The following ABCA2 variants were observed in gnomAD, a reference collection of about 807,000 sequenced individuals.
ABCA2 encodes ATP binding cassette subfamily A member 2.
ABCA2 carries 84 observed loss-of-function variants against 262.8 expected under a neutral mutation model. That is an observed-to-expected ratio of 0.32 (90% confidence interval 0.27 to 0.38). ABCA2 has a LOEUF of 0.38. Among genes scored for constraint, ABCA2 ranks in the 10% least tolerant of loss-of-function variants. The pLI is 1.00. For missense variants in ABCA2, 2,662 were observed against 3,405.9 expected, an observed-to-expected ratio of 0.78 and a Z score of 5.44; for synonymous variants, 1,696 against 1,502.9, an observed-to-expected ratio of 1.13 and a Z score of -2.97.
Position 137,019,500 on chromosome 9 carries a change from G to A in ABCA2, c.1426-194C>T. Reference sequence around the variant, plus strand: ...TGCAGTGGTGCAGTCCCAGCTCACTGCAGCCTCCACCTCCCAGGCTCAAGG... The same window carrying A: ...TGCAGTGGTGCAGTCCCAGCTCACTACAGCCTCCACCTCCCAGGCTCAAGG... On this transcript the variant is annotated intron_variant, in intron 10 of 48. Transcript: ENST00000341511. The surrounding 1 kb of genome is among the most constrained non-coding windows in gnomAD (Gnocchi z 4.4). 3.4e-6 allele frequency: 2 copies of A among 594,874 alleles called. No individual in the cohort carries two copies. The highest frequency in any genetic ancestry group is 5.6e-6 in the Non-Finnish European group (2 of 355,378). 36.8% of individuals were successfully genotyped at this position (594,874 alleles called of 1,614,324 possible). A position where few individuals can be genotyped will look rare whatever the true frequency, so the allele number is the denominator to read the frequency against.
Position 137,007,554 on chromosome 9 carries a change from G to GT in ABCA2, c.*374dup. On this transcript the variant is annotated 3_prime_UTR_variant, in exon 49 of 49. Transcript: ENST00000341511. ...CCCGCTCTCGGCATCAGCCTTCATC[G>GT]TAAGAGAGAAAAGCTGGTTCCGAGG... 2 of 335,404 alleles carry GT rather than the reference G, an allele frequency of 6.0e-6. No individual in the cohort carries two copies. The highest frequency in any genetic ancestry group is 1.1e-5 in the Non-Finnish European group (2 of 177,042). The allele number at this position is 335,404 out of a possible 1,614,324, so 20.8% of individuals were successfully genotyped here.
In ABCA2 at chr9:137,012,245, CCCTG is replaced by C; in HGVS notation, c.5299+16_5299+19del. On this transcript the variant is annotated intron_variant, in intron 33 of 48. Coordinates refer to ENST00000341511, the MANE Select transcript of ABCA2 (RefSeq NM_001606.5). ...CCCAGCTCCTCCCCGCCCCGCCCCG[CCCTG>C]CCTATGTCAGCTCACCGTAAGCCGC... The C allele has an allele frequency of 1.9e-6, 3 of 1,599,518 alleles. No individual in the cohort carries two copies. Among genetic ancestry groups the C allele is most frequent in the Non-Finnish European group, 2.6e-6 (3 of 1,173,512 alleles).
rs200425176 is a variant in ABCA2, at chr9:137,014,683, C to T, written c.4003+7G>A. 8.1e-4 allele frequency: 1,300 copies of T among 1,604,878 alleles called. 8 individuals are homozygous for T. In the African/African-American group the frequency reaches 0.015, roughly 19 times the overall value. On this transcript the variant is annotated splice_region_variant and intron_variant, in intron 26 of 48. Coordinates refer to ENST00000341511, the MANE Select transcript of ABCA2 (RefSeq NM_001606.5). ...GGTGGGCTGAGCAAGTGGTCCAGGCCCCTCACCGGCCTCACTGTTCTCCAG... is the reference window on the plus strand; with the variant it reads ...GGTGGGCTGAGCAAGTGGTCCAGGCTCCTCACCGGCCTCACTGTTCTCCAG...
At position 137,009,894 on chromosome 9, in the gene ABCA2, A is replaced by G; in HGVS notation, c.6505T>C (p.Trp2169Arg). 6.2e-7 allele frequency: 1 copy of G among 1,608,076 alleles called. No individual in the cohort carries two copies. Among genetic ancestry groups the G allele is most frequent in the Non-Finnish European group, 8.5e-7 (1 of 1,176,732 alleles). The change falls in exon 43 of 49, where the codon TGG becomes CGG. Residue 2169 changes from tryptophan (W) to arginine (R), a missense_variant. This residue lies in a region of ABCA2 where 602 missense variants were observed against 897.4 expected (regional missense o/e 0.67). Transcript: ENST00000341511. ...GTCAGCTCCAGCTTCTCCAGAGCCC[A>G]CTTCACCACCTGGCCAGGGAACGCA... The part of the protein sequence containing the change: ...SWKDEARVVK[W>R]ALEKLELTKY...
At chr9:137,028,263 G>T, upstream of ABCA2, 3 of 978,260 alleles carry the variant, frequency 3.1e-6, no homozygotes, top group Non-Finnish European at 3.6e-6. The surrounding 1 kb of genome is among the most constrained non-coding windows in gnomAD (Gnocchi z 6.9). Context: ...GGGCGTCCGG[G>T]ACCCGATCCG....
At chr9:137,027,983 G>T (rs1329163654) in intron 1 of ABCA2, 92 bp downstream of exon 1, 1 of 689,864 alleles carries the variant, frequency 1.4e-6, no homozygotes, top group Middle Eastern at 7.4e-4. Flanking sequence ...GTCTGCGCGC[G>T]CCCGGCCGTC....
intron 20 of ABCA2, 40 bp from the exon 21 acceptor site, chr9:137,016,511 C>T: frequency 6.2e-7 from 1 of 1,612,398 alleles, no homozygotes; most frequent in Non-Finnish European, 8.5e-7. Flanking sequence ...GGGGCGGCGC[C>T]AAGGCCACCC....
Position 137,013,058 on chromosome 9 carries a change from G to A in ABCA2, c.4811C>T (p.Ser1604Phe). 1 of 1,554,156 alleles carries A rather than the reference G, an allele frequency of 6.4e-7. No individual in the cohort carries two copies. The change falls in exon 30 of 49, where the codon TCC becomes TTC. Residue 1604 changes from serine to phenylalanine, a missense_variant. Coordinates refer to ENST00000341511, the MANE Select transcript of ABCA2 (RefSeq NM_001606.5). ...PSPAPSDSPA[S>F]PDEDLQAWNV... Reference sequence around the variant, plus strand: ...CCAGGCCTGCAGGTCCTCATCCGGGGACGCTGGCGAGTCAGATGGGGCGGG... The same window carrying A: ...CCAGGCCTGCAGGTCCTCATCCGGGAACGCTGGCGAGTCAGATGGGGCGGG...
chr9:137,011,605 A>G lies in ABCA2; in HGVS notation c.5651+29T>C. On this transcript the variant is annotated intron_variant, in intron 36 of 48. Transcript: ENST00000341511. This position sits in a 1 kb window ranked among gnomAD's most constrained non-coding sequence, Gnocchi z 8.8. ...CACCAGGCAGCCCCGGTCCCACCTGAGGCCGCTCCCCCCTCCGCTTCCGCT... is the reference window on the plus strand; with the variant it reads ...CACCAGGCAGCCCCGGTCCCACCTGGGGCCGCTCCCCCCTCCGCTTCCGCT... 6.4e-7 allele frequency: 1 copy of G among 1,554,540 alleles called. No individual in the cohort carries two copies. Among genetic ancestry groups the G allele is most frequent in the Non-Finnish European group, 8.7e-7 (1 of 1,149,460 alleles).
In ABCA2 at chr9:137,017,961, C is replaced by T; in HGVS notation, c.2096+12G>A. 6.2e-7 allele frequency: 1 copy of T among 1,612,530 alleles called. No individual in the cohort carries two copies. The highest frequency in any genetic ancestry group is 8.5e-7 in the Non-Finnish European group (1 of 1,179,860). On this transcript the variant is annotated intron_variant, in intron 15 of 48. Coordinates refer to ENST00000341511, the MANE Select transcript of ABCA2 (RefSeq NM_001606.5). ...CCAGCCCCAGCCCCAGCCCCGGGCG[C>T]CCAGCACTCACTCATCGCGTGTGTA...
intron 9 of ABCA2, 49 bp from the exon 10 acceptor site, chr9:137,020,544 G>A (rs762943679): frequency 1.2e-5 from 18 of 1,547,944 alleles, no homozygotes; most frequent in East Asian, 6.8e-5. Flanking sequence ...GGGCAGGGCC[G>A]CGAGAGTGGG....
intron 13 of ABCA2, 24 bp downstream of exon 13, chr9:137,018,695 G>T: frequency 6.3e-7 from 1 of 1,584,482 alleles, no homozygotes; most frequent in Non-Finnish European, 8.6e-7. Flanking sequence ...GGGGGGCTGG[G>T]GCGGGGCGGG....
rs922168229 is a variant in ABCA2 at position 137,021,174 on chromosome 9, G to C, written c.898-113C>G. The C allele has an allele frequency of 7.1e-6, 10 of 1,403,274 alleles. No homozygotes were observed. In the South Asian group the frequency reaches 7.4e-5, roughly 10 times the overall value. The allele number at this position is 1,403,274 out of a possible 1,614,324, so 86.9% of individuals were successfully genotyped here. On this transcript the variant is annotated intron_variant, in intron 8 of 48. Transcript: ENST00000341511. This position sits in a 1 kb window ranked among gnomAD's most constrained non-coding sequence, Gnocchi z 6.0. ...AGGGAGACACAAGCTAGGGGTGCTG[G>C]GAGGGAGTCTGCAGCCTGGGTAACG...
At chr9:137,023,271 A>G (rs1020989745) in intron 3 of ABCA2, 1 of 634,478 alleles carries the variant, frequency 1.6e-6, no homozygotes, top group South Asian at 1.8e-5. Flanking sequence ...GAGGTCAAAG[A>G]GCCACTCACC....
At chr9:137,023,214 C>G in intron 3 of ABCA2, 162 bp from the exon 4 acceptor site, 1 of 662,170 alleles carries the variant, frequency 1.5e-6, no homozygotes, top group Non-Finnish European at 2.6e-6. Context: ...CTGGCCCCAG[C>G]TGGGCTACAG....
rs986089429 is a variant in ABCA2, at chr9:137,022,469, A to G, written c.449T>C (p.Phe150Ser). 1.2e-6 allele frequency: 2 copies of G among 1,611,626 alleles called. No homozygotes were observed. Among genetic ancestry groups the G allele is most frequent in the Admixed American group, 3.3e-5 (2 of 59,866 alleles). ...GTTTCTGGCCACCGAGTCCAGAGAGAAGGAAGACACTGGACAGGCAGGAAG... is the reference window on the plus strand; with the variant it reads ...GTTTCTGGCCACCGAGTCCAGAGAGGAGGAAGACACTGGACAGGCAGGAAG... The part of the protein sequence containing the change: ...SHLDRSTVSS[F>S]SLDSVARNPQ... The change falls in exon 6 of 49, where the codon TTC (phenylalanine) becomes TCC (serine). Residue 150 changes from phenylalanine to serine, a missense_variant. Phe to Ser is a radical substitution (Grantham distance 155). Transcript: ENST00000341511.
Position 137,016,279 on chromosome 9 carries a change from T to A in ABCA2, c.3104+12A>T, listed in dbSNP as rs1306389364. 1 of 1,612,182 alleles carries A rather than the reference T, an allele frequency of 6.2e-7. No homozygotes were observed. The highest frequency in any genetic ancestry group is 8.5e-7 in the Non-Finnish European group (1 of 1,179,766). On this transcript the variant is annotated intron_variant, in intron 21 of 48. Coordinates refer to ENST00000341511, the MANE Select transcript of ABCA2 (RefSeq NM_001606.5). ...CAGCAGATGCCCACCGCCCTGCCCC[T>A]CCGACACTCACATGGTGGTGGTCTT...
rs1410059404 is a variant in ABCA2, at chr9:137,010,004, G to A, written c.6474C>T (p.Ile2158=). ...TCACCCGGGCCTCGTCCTTCCAGGA[G>A]ATCCCACGCAGCCGCGTGTACAGCT... The part of the protein sequence containing the change: ...HLQLYTRLRG[I]SWKDEARVVK... The change falls in exon 42 of 49, where the codon ATC becomes ATT. Residue 2158 remains isoleucine (I), a synonymous_variant. Coordinates refer to ENST00000341511, the MANE Select transcript of ABCA2 (RefSeq NM_001606.5). The A allele has an allele frequency of 1.3e-6, 2 of 1,598,282 alleles. No homozygotes were observed. Among genetic ancestry groups the A allele is most frequent in the South Asian group, 2.2e-5 (2 of 89,270 alleles).
intron 1 of ABCA2, among the ~76,000 whole-genome samples, chr9:137,025,710 G>A (rs1342015645): frequency 2.6e-5 from 4 of 152,192 alleles, no homozygotes; most frequent in African/African-American, 7.2e-5. Flanking sequence ...AGAGGCAGGG[G>A]TCACAGCACG....
Sources: allele counts gnomAD v4.1 joint callset (sites outside exome capture counted in the v4.1 genomes callset), GRCh38; gene constraint gnomAD v4.1.1; regional missense constraint gnomAD v4.1.1; non-coding constraint Gnocchi (gnomAD v3.1); transcripts MANE v1.5; gene names NCBI Gene and HGNC (gene_info 2026-07-23, HGNC 2026-07-21).